The following FAM13A variants were observed in gnomAD, a reference collection of about 807,000 sequenced individuals.
FAM13A encodes protein FAM13A.
FAM13A carries 76 observed loss-of-function variants against 129.6 expected under a neutral mutation model. The observed-to-expected ratio is 0.59, with a 90% CI of 0.49 to 0.71. FAM13A has a LOEUF of 0.71. FAM13A is among the 30% of genes least tolerant of loss of function. FAM13A has a pLI of 0.00. For synonymous variants in FAM13A, 443 were observed against 449.9 expected, an observed-to-expected ratio of 0.98 and a Z score of 0.20; for missense variants, 1,108 against 1,249.3, an observed-to-expected ratio of 0.89 and a Z score of 1.70.
chr4:88,869,651 T>G (rs569671729), intron 6 of FAM13A, among the ~76,000 whole-genome samples: 2 of 152,354 alleles, frequency 1.3e-5, no homozygotes, highest in South Asian at 4.1e-4. Context: ...AACTAAACAC[T>G]TGAATGTTAG....
At position 88,728,275 on chromosome 4, in the gene FAM13A, G is replaced by GTGCA. The variant is rs1439882743; in HGVS notation, c.*254_*257dup. On this transcript the variant is annotated 3_prime_UTR_variant, in exon 24 of 24. Coordinates refer to ENST00000264344, the MANE Select transcript of FAM13A (RefSeq NM_014883.4). The stretch of plus-strand genomic sequence containing the variant: ...GCTCCACTACTGTGTGTGTGTGTGC[G>GTGCA]TGCATGCGCGTGCGCATGTGCACAT... 5 of 514,848 alleles carry GTGCA rather than the reference G, an allele frequency of 9.7e-6. No homozygotes were observed. The highest frequency in any genetic ancestry group is 1.8e-5 in the Non-Finnish European group (5 of 283,184). 31.9% of individuals were successfully genotyped at this position (514,848 alleles called of 1,614,324 possible).
At chr4:88,986,464 T>C (rs1262688106) in intron 4 of FAM13A, among the ~76,000 whole-genome samples, 2 of 152,214 alleles carry the variant, frequency 1.3e-5, no homozygotes, top group Non-Finnish European at 2.9e-5. Context: ...GTAAGTGTTA[T>C]AAAAATTTAA....
At chr4:88,931,241 T>C (rs140143201) in intron 5 of FAM13A, among the ~76,000 whole-genome samples, 114 of 152,208 alleles carry the variant, frequency 7.5e-4, no homozygotes, top group African/African-American at 2.7e-3. Flanking sequence ...TCTAGGCTAC[T>C]CTCAAAGTGG....
chr4:88,843,712 A>C (rs1422509439), intron 7 of FAM13A, among the ~76,000 whole-genome samples: 4 of 152,254 alleles, frequency 2.6e-5, no homozygotes, highest in Non-Finnish European at 5.9e-5. Flanking sequence ...AGACAATATT[A>C]AATTATAAAG....
chr4:88,792,759 T>C (rs1308580925), intron 8 of FAM13A, among the ~76,000 whole-genome samples: 3 of 152,082 alleles, frequency 2.0e-5, no homozygotes, highest in Admixed American at 2.0e-4. Flanking sequence ...TAGTCCTCTA[T>C]GCCATCTCAG....
intron 2 of FAM13A, among the ~76,000 whole-genome samples, chr4:89,028,952 C>CTTTAT (rs55861835): frequency 0.6 from 90,600 of 151,232 alleles, 27,750 homozygotes; most frequent in Middle Eastern, 0.69. Context: ...GTTTTACATG[C>CTTTAT]TTTATCATTC....
intron 6 of FAM13A, among the ~76,000 whole-genome samples, chr4:88,878,415 C>T (rs1455963621): frequency 6.6e-6 from 1 of 150,548 alleles, no homozygotes; most frequent in African/African-American, 2.5e-5. Flanking sequence ...TCATTGAGAG[C>T]ACTATACTGG....
intron 11 of FAM13A, among the ~76,000 whole-genome samples, chr4:88,773,872 A>T (rs1252919017): frequency 6.6e-6 from 1 of 152,218 alleles, no homozygotes; most frequent in African/African-American, 2.4e-5. Flanking sequence ...CAGCTGCCAG[A>T]GTGATCCTTT....
intron 6 of FAM13A, among the ~76,000 whole-genome samples, chr4:88,879,220 C>G (rs1395542507): frequency 2.0e-5 from 3 of 151,976 alleles, no homozygotes; most frequent in Non-Finnish European, 4.4e-5. Flanking sequence ...GAGGTAAGAA[C>G]AAAAAAGACC....
chr4:89,024,445 G>T (rs1342649387), intron 2 of FAM13A, among the ~76,000 whole-genome samples: 2 of 152,168 alleles, frequency 1.3e-5, no homozygotes, highest in Non-Finnish European at 2.9e-5. Context: ...TAAAGGGCTT[G>T]ATATAGGCCT....
chr4:88,781,844 G>A (rs934810581), intron 10 of FAM13A, among the ~76,000 whole-genome samples: 3 of 148,612 alleles, frequency 2.0e-5, no homozygotes, highest in South Asian at 2.1e-4. Context: ...CTGTTGTGGG[G>A]TGGGGGGAGC....
At chr4:88,788,041 T>C in intron 9 of FAM13A, 109 bp from the exon 10 acceptor site, 1 of 781,392 alleles carries the variant, frequency 1.3e-6, no homozygotes, top group Non-Finnish European at 2.0e-6. Context: ...GTGGAAAGTC[T>C]TTAGAACTTC....
In FAM13A at chr4:88,728,501, A is replaced by C. The variant is rs1481702269; in HGVS notation, c.*32T>G. ...TCTGGGGACAGTAAACTCTCACCGC[A>C]GCTGCCAGCCCCCTGTGCTTGGCCA... On this transcript the variant is annotated 3_prime_UTR_variant, in exon 24 of 24. Coordinates refer to ENST00000264344, the MANE Select transcript of FAM13A (RefSeq NM_014883.4). The C allele has an allele frequency of 1.2e-6, 2 of 1,613,408 alleles. No individual in the cohort carries two copies. Among genetic ancestry groups the C allele is most frequent in the Non-Finnish European group, 1.7e-6 (2 of 1,179,848 alleles).
At position 88,758,280 on chromosome 4, in the gene FAM13A, GA is replaced by G. The variant is rs991539046; in HGVS notation, c.1726+473del. On this transcript the variant is annotated intron_variant, in intron 14 of 23. Transcript: ENST00000264344. ...GCAAATCCCTTAAATTTGTTAACCT[GA>G]AAAAAAAATCTATCCATAAAAACGA... Among the ~76,000 whole-genome samples, 27 of 150,896 alleles carry G rather than the reference GA, an allele frequency of 1.8e-4. No individual in the cohort carries two copies. The East Asian group carries it at 2.1e-3, about 12-fold the overall frequency.
At chr4:88,824,759 G>A (rs1299283883) in intron 7 of FAM13A, among the ~76,000 whole-genome samples, 1 of 151,728 alleles carries the variant, frequency 6.6e-6, no homozygotes, top group African/African-American at 2.4e-5. Context: ...CCAGGCTGGA[G>A]TGCTGTGGCA....
At chr4:88,992,955 A>G (rs560844106) in intron 3 of FAM13A, among the ~76,000 whole-genome samples, 1 of 152,268 alleles carries the variant, frequency 6.6e-6, no homozygotes, top group Admixed American at 6.5e-5. Context: ...ATGAGATACA[A>G]AATCAGAGAA....
chr4:88,992,494 C>G (rs1285969306), intron 3 of FAM13A, among the ~76,000 whole-genome samples: 2 of 152,110 alleles, frequency 1.3e-5, no homozygotes, highest in Non-Finnish European at 1.5e-5. Flanking sequence ...TGGGGCCTCC[C>G]AAAGTGTTGG....
intron 21 of FAM13A, among the ~76,000 whole-genome samples, chr4:88,733,098 A>G (rs889014814): frequency 6.6e-6 from 1 of 152,236 alleles, no homozygotes; most frequent in African/African-American, 2.4e-5. Context: ...TGGTATGCAT[A>G]GCACCAATTA....
At chr4:89,006,507 G>T (rs1460088908) in intron 3 of FAM13A, among the ~76,000 whole-genome samples, 2 of 152,222 alleles carry the variant, frequency 1.3e-5, no homozygotes, top group African/African-American at 4.8e-5. Context: ...GGAGGAGCAT[G>T]CAGGCAAGCA....
Sources: allele counts gnomAD v4.1 joint callset (sites outside exome capture counted in the v4.1 genomes callset), GRCh38; gene constraint gnomAD v4.1.1; transcripts MANE v1.5; gene names NCBI Gene and HGNC (gene_info 2026-07-23, HGNC 2026-07-21).